The following ATP7A variants were observed in gnomAD, a reference collection of about 807,000 sequenced individuals.
ATP7A encodes the protein copper-transporting ATPase 1.
Under a neutral mutation model 83.5 loss-of-function variants are expected in ATP7A, and 7 were observed. The observed-to-expected ratio is 0.08, with a 90% CI of 0.05 to 0.16. The LOEUF is 0.16. Ranked by LOEUF, ATP7A falls within the 10% of genes least tolerant of loss-of-function variation. The pLI, the probability that ATP7A is intolerant of heterozygous loss-of-function variation, is 1.00. For missense variants in ATP7A, 940 were observed against 1,120.8 expected, an observed-to-expected ratio of 0.84 and a Z score of 2.30; for synonymous variants, 354 against 395.2, an observed-to-expected ratio of 0.90 and a Z score of 1.24.
Position 78,014,719 on chromosome X carries a change from A to G in ATP7A, c.2464A>G (p.Ile822Val), listed in dbSNP as rs1050354930. Residue 822 changes from isoleucine to valine, a missense_variant, in exon 11 of 23, where the codon ATT becomes GTT. Physicochemically the swap from Ile to Val is conservative, Grantham distance 29. Coordinates refer to ENST00000341514, the MANE Select transcript of ATP7A (RefSeq NM_000052.7). ...TTCACTACAAGCTACAGAAGCAACT[A>G]TTGTAACTCTTGATTCTGATAATAT... ...LISLQATEAT[I>V]VTLDSDNILL... 4 of 1,206,398 alleles carry G rather than the reference A, an allele frequency of 3.3e-6. No homozygotes were observed. The highest frequency in any genetic ancestry group is 4.5e-6 in the Non-Finnish European group (4 of 891,175).
intron 1 of ATP7A, among the ~76,000 whole-genome samples, chrX:77,936,270 A>G (rs1011433651): frequency 8.9e-6 from 1 of 111,785 alleles, no homozygotes; most frequent in African/African-American, 3.2e-5. Flanking sequence ...CATGAATCCA[A>G]AGTGAAGTTT....
chrX:77,939,714 T>TTA (rs2077340525), intron 1 of ATP7A, among the ~76,000 whole-genome samples: 1 of 111,293 alleles, frequency 9.0e-6, no homozygotes, highest in Admixed American at 9.6e-5. Flanking sequence ...TAGAGAGGTA[T>TTA]TAGAGAGTTT....
rs1226035666 is a variant in ATP7A, at chrX:78,047,112, T to A, written c.*542T>A. On this transcript the variant is annotated 3_prime_UTR_variant, in exon 23 of 23. Coordinates refer to ENST00000341514, the MANE Select transcript of ATP7A (RefSeq NM_000052.7). Reference sequence around the variant, plus strand: ...AGATGTGCCTTATTTATTGCAGGCTTTCTTTCCCCCATTCTCCCTGCATCC... The same window carrying A: ...AGATGTGCCTTATTTATTGCAGGCTATCTTTCCCCCATTCTCCCTGCATCC... The A allele has an allele frequency of 1.8e-5, 2 of 112,828 alleles. No individual in the cohort carries two copies. The highest frequency in any genetic ancestry group is 3.7e-5 in the Non-Finnish European group (2 of 53,661). The allele number at this position is 112,828 out of a possible 1,213,427, so 9.3% of individuals were successfully genotyped here.
rs1011599708 is a variant in ATP7A, at chrX:77,926,512, G to T, written c.-22+15677G>T. Among the ~76,000 whole-genome samples, 18 of 110,138 alleles carry T rather than the reference G, an allele frequency of 1.6e-4. No homozygotes were observed. The Admixed American group carries it at 1.8e-3, about 11-fold the overall frequency. On this transcript the variant is annotated intron_variant, in intron 1 of 22. Transcript: ENST00000341514. Reference sequence around the variant, plus strand: ...CACCCGGCTAATTTTTGTATTTTTAGTAGAGACAGGGTTTCGCCACATTGG... The same window carrying T: ...CACCCGGCTAATTTTTGTATTTTTATTAGAGACAGGGTTTCGCCACATTGG...
At chrX:77,926,014 C>G (rs1557223526) in intron 1 of ATP7A, among the ~76,000 whole-genome samples, 1 of 109,341 alleles carries the variant, frequency 9.1e-6, no homozygotes, top group East Asian at 2.9e-4. Context: ...GTTTATTAGA[C>G]TCTTCTATAT....
chrX:78,036,651 C>T (rs782143740), intron 17 of ATP7A, among the ~76,000 whole-genome samples: 99 of 111,370 alleles, frequency 8.9e-4, no homozygotes, highest in African/African-American at 2.5e-3. Context: ...GAGGCTGAGG[C>T]GGGTGGATCA....
intron 1 of ATP7A, among the ~76,000 whole-genome samples, chrX:77,916,017 G>A (rs377525851): frequency 9.0e-6 from 1 of 111,688 alleles, no homozygotes; most frequent in South Asian, 3.7e-4. Context: ...TACCGCTCCC[G>A]GCCCTGCCAC....
intron 1 of ATP7A, chrX:77,968,831 G>A (rs2077525130): frequency 8.3e-7 from 1 of 1,206,690 alleles, no homozygotes; most frequent in Admixed American, 2.2e-5. Context: ...GACAAGACCA[G>A]CAGGGAGGGT....
At chrX:78,023,949 A>ATC (rs1364152938) in intron 14 of ATP7A, among the ~76,000 whole-genome samples, 8 of 111,584 alleles carry the variant, frequency 7.2e-5, no homozygotes, top group Non-Finnish European at 1.1e-4. Flanking sequence ...TAAGTCTTCA[A>ATC]TCTATCCTGA....
chrX:78,003,502 C>G (rs1557233423), intron 6 of ATP7A, among the ~76,000 whole-genome samples: 2 of 109,976 alleles, frequency 1.8e-5, no homozygotes, highest in Non-Finnish European at 3.8e-5. Context: ...TGATTCCTAT[C>G]TAGTAGCATG....
At chrX:78,017,426 T>G (rs1467376260) in intron 12 of ATP7A, among the ~76,000 whole-genome samples, 1 of 112,503 alleles carries the variant, frequency 8.9e-6, no homozygotes, top group Non-Finnish European at 1.9e-5. Context: ...CCCATTGTCT[T>G]GGCGATTAAC....
intron 13 of ATP7A, 94 bp downstream of exon 13, chrX:78,020,492 T>G (rs948369738): frequency 3.3e-5 from 34 of 1,027,597 alleles, no homozygotes; most frequent in Non-Finnish European, 3.9e-5. Flanking sequence ...CAATAAAAAT[T>G]TTAGTTGCAT....
intron 14 of ATP7A, among the ~76,000 whole-genome samples, chrX:78,028,344 A>G (rs1225176346): frequency 1.8e-5 from 2 of 110,898 alleles, no homozygotes; most frequent in Admixed American, 1.9e-4. Flanking sequence ...ATGTGCCACC[A>G]TGCCCAGCTA....
At chrX:77,916,712 AGT>A (rs1272857349) in intron 1 of ATP7A, among the ~76,000 whole-genome samples, 1 of 111,795 alleles carries the variant, frequency 8.9e-6, no homozygotes, top group East Asian at 2.8e-4. Context: ...ATTCTTACAA[AGT>A]TGTGTGTAAA....
At chrX:77,943,626 T>C (rs1163701080) in intron 1 of ATP7A, among the ~76,000 whole-genome samples, 4 of 111,979 alleles carry the variant, frequency 3.6e-5, no homozygotes, top group Non-Finnish European at 7.5e-5. Flanking sequence ...TACATGCTTG[T>C]TTTAATGAAA....
At chrX:77,946,741 A>C (rs2077382088) in intron 1 of ATP7A, among the ~76,000 whole-genome samples, 1 of 109,663 alleles carries the variant, frequency 9.1e-6, no homozygotes, top group South Asian at 3.8e-4. Flanking sequence ...AAAAAAAAAA[A>C]AAAAAAAAAC....
At chrX:78,035,155 G>A (rs1402003777) in intron 17 of ATP7A, among the ~76,000 whole-genome samples, 1 of 111,460 alleles carries the variant, frequency 9.0e-6, no homozygotes, top group Non-Finnish European at 1.9e-5. Context: ...TACTCTCTCT[G>A]TACAATCTTA....
At chrX:77,957,975 T>G (rs1406882357) in intron 1 of ATP7A, among the ~76,000 whole-genome samples, 2 of 111,212 alleles carry the variant, frequency 1.8e-5, no homozygotes, top group Non-Finnish European at 3.8e-5. Context: ...GTGGGACTTG[T>G]GGGAGGCGAT....
At chrX:77,972,740 G>T (rs1557229842) in intron 2 of ATP7A, among the ~76,000 whole-genome samples, 1 of 110,875 alleles carries the variant, frequency 9.0e-6, no homozygotes, top group Non-Finnish European at 1.9e-5. Context: ...GGACTCAAGT[G>T]ATCCTCCCAC....
Sources: allele counts gnomAD v4.1 joint callset (sites outside exome capture counted in the v4.1 genomes callset), GRCh38; gene constraint gnomAD v4.1.1; transcripts MANE v1.5; gene names NCBI Gene and HGNC (gene_info 2026-07-23, HGNC 2026-07-21).